SLC47A1: variants seen among roughly 807,000 people sequenced by gnomAD.
The protein encoded by SLC47A1 is solute carrier family 47 member 1.
Under a neutral mutation model 65.8 loss-of-function variants are expected in SLC47A1, and 58 were observed. The observed-to-expected ratio is 0.88, with a 90% CI of 0.71 to 1.10. SLC47A1 has a LOEUF of 1.10. SLC47A1 is among the 50% of genes least tolerant of loss of function. The pLI is 0.00. For synonymous variants in SLC47A1, 285 were observed against 295.0 expected, an observed-to-expected ratio of 0.97 and a Z score of 0.35; for missense variants, 706 against 719.2, an observed-to-expected ratio of 0.98 and a Z score of 0.21.
In SLC47A1 at chr17:19,577,613, C is replaced by G. The variant is rs1363628540; in HGVS notation, c.*60C>G. Reference sequence around the variant, plus strand: ...TTTGAGCTTACACACAATTCACAGGCCCACCAGTGACAATTTACTGTGAGT... The same window carrying G: ...TTTGAGCTTACACACAATTCACAGGGCCACCAGTGACAATTTACTGTGAGT... On this transcript the variant is annotated 3_prime_UTR_variant, in exon 17 of 17. Transcript: ENST00000270570. The G allele has an allele frequency of 1.2e-6, 2 of 1,600,180 alleles. No individual in the cohort carries two copies. Among genetic ancestry groups the G allele is most frequent in the Non-Finnish European group, 1.7e-6 (2 of 1,172,474 alleles).
At chr17:19,542,559 A>G in intron 2 of SLC47A1, 65 bp downstream of exon 2, 8 of 1,287,626 alleles carry the variant, frequency 6.2e-6, no homozygotes, top group Non-Finnish European at 8.7e-6. Flanking sequence ...TGCTACTATA[A>G]CAAATCATCA....
chr17:19,563,128 CTTTTTTTTTT>C (rs572651224), intron 12 of SLC47A1, among the ~76,000 whole-genome samples: 1 of 82,644 alleles, frequency 1.2e-5, no homozygotes, highest in Non-Finnish European at 2.2e-5. Context: ...TAAGAGAAAG[CTTTTTTTTTT>C]TTTTTTTTTT....
chr17:19,571,442 A>G (rs779329850), intron 14 of SLC47A1, 36 bp from the exon 15 acceptor site: 10 of 1,578,724 alleles, frequency 6.3e-6, no homozygotes, highest in Non-Finnish European at 8.7e-6. Context: ...CTGGTTTTCT[A>G]TGGAATTAAC....
intron 12 of SLC47A1, among the ~76,000 whole-genome samples, chr17:19,566,157 T>C (rs1316115486): frequency 6.6e-6 from 1 of 152,174 alleles, no homozygotes; most frequent in Non-Finnish European, 1.5e-5. Context: ...TCTCTTACTG[T>C]GCCCAAATTA....
chr17:19,541,363 G>A (rs192742827), intron 1 of SLC47A1, among the ~76,000 whole-genome samples: 9 of 152,312 alleles, frequency 5.9e-5, no homozygotes, highest in Admixed American at 3.9e-4. Flanking sequence ...CCAGGGGAGA[G>A]GGGCTTCCCC....
chr17:19,552,025 C>T (rs1916464833), intron 6 of SLC47A1, among the ~76,000 whole-genome samples: 1 of 152,218 alleles, frequency 6.6e-6, no homozygotes, highest in Non-Finnish European at 1.5e-5. Context: ...ATGAAATCAG[C>T]ATATGTGGGA....
intron 2 of SLC47A1, among the ~76,000 whole-genome samples, chr17:19,545,286 C>G (rs1916256303): frequency 6.6e-6 from 1 of 150,958 alleles, no homozygotes; most frequent in Admixed American, 6.6e-5. Flanking sequence ...CTTCCGCTTC[C>G]CGGGTTCAAG....
intron 6 of SLC47A1, among the ~76,000 whole-genome samples, chr17:19,554,522 C>T (rs1306128762): frequency 2.6e-5 from 4 of 152,164 alleles, no homozygotes; most frequent in African/African-American, 4.8e-5. Context: ...AGAAAGCACT[C>T]GTCATTCCAC....
intron 2 of SLC47A1, among the ~76,000 whole-genome samples, chr17:19,544,407 G>A (rs1916232656): frequency 6.6e-6 from 1 of 152,250 alleles, no homozygotes; most frequent in African/African-American, 2.4e-5. Flanking sequence ...TGTGGCCAAG[G>A]ACTTATCAAA....
chr17:19,538,368 G>A (rs1438949092), intron 1 of SLC47A1, among the ~76,000 whole-genome samples: 5 of 152,244 alleles, frequency 3.3e-5, no homozygotes, highest in Admixed American at 2.0e-4. Flanking sequence ...GGGCTGATGG[G>A]CAGCTGTGGC....
rs749378149 is a variant in SLC47A1 at position 19,577,379 on chromosome 17, C to A, written c.1539C>A (p.Gly513=). The A allele has an allele frequency of 6.2e-7, 1 of 1,614,140 alleles. No individual in the cohort carries two copies. The highest frequency in any genetic ancestry group is 8.5e-7 in the Non-Finnish European group (1 of 1,180,022). The change falls in exon 17 of 17, where the codon GGC becomes GGA. Residue 513 remains glycine, a synonymous_variant. Coordinates refer to ENST00000270570, the MANE Select transcript of SLC47A1 (RefSeq NM_018242.3). ...TAACGAACGATGTTGGAAAGACAGG[C>A]GAGCCTCAGTCAGATCAGCAGATGC... ...GILTNDVGKT[G]EPQSDQQMRQ... is the part of the protein sequence containing the mutation.
intron 4 of SLC47A1, among the ~76,000 whole-genome samples, chr17:19,548,466 C>G (rs1396578893): frequency 6.6e-6 from 1 of 151,658 alleles, no homozygotes; most frequent in East Asian, 1.9e-4. Context: ...TCAAACCCAC[C>G]TGTGCCCCTG....
intron 6 of SLC47A1, among the ~76,000 whole-genome samples, chr17:19,552,318 C>T (rs557379518): frequency 6.6e-6 from 1 of 152,362 alleles, no homozygotes; most frequent in African/African-American, 2.4e-5. Context: ...GCTGGACTTA[C>T]AGGTGTGAGC....
At chr17:19,573,175 T>C (rs2152317704) in intron 16 of SLC47A1, among the ~76,000 whole-genome samples, 1 of 152,334 alleles carries the variant, frequency 6.6e-6, no homozygotes, top group Middle Eastern at 3.4e-3. Context: ...TTTGTTTGTT[T>C]TAATGGGGTC....
intron 1 of SLC47A1, among the ~76,000 whole-genome samples, chr17:19,539,206 C>G (rs1014862132): frequency 6.6e-6 from 1 of 152,114 alleles, no homozygotes; most frequent in African/African-American, 2.4e-5. Context: ...CCACCGTGCC[C>G]GGCCCAGTCT....
At chr17:19,570,291 A>G (rs1380037304) in intron 14 of SLC47A1, among the ~76,000 whole-genome samples, 1 of 152,188 alleles carries the variant, frequency 6.6e-6, no homozygotes, top group Non-Finnish European at 1.5e-5. Context: ...ACCAAGCAAG[A>G]CAAGCAAAGT....
Position 19,571,578 on chromosome 17 carries a change from T to G in SLC47A1, c.1404+6T>G, listed in dbSNP as rs769351957. 3.7e-6 allele frequency: 6 copies of G among 1,609,286 alleles called. No individual in the cohort carries two copies. The Admixed American group carries it at 8.3e-5, about 22-fold the overall frequency. On this transcript the variant is annotated splice_donor_region_variant and intron_variant, in intron 15 of 16. Transcript: ENST00000270570. ...GGAAAAAAGCCTGTCAGCAGGTAAC[T>G]ATGTTCATTCTGTCCCGGTAAAGGT... is the stretch of plus-strand genomic sequence containing the variant.
rs2084457775 is a variant in SLC47A1, at chr17:19,578,533, G to GT, written c.*981dup. The GT allele has an allele frequency of 6.1e-6, 1 of 163,936 alleles. No homozygotes were observed. The highest frequency in any genetic ancestry group is 1.3e-5 in the Non-Finnish European group (1 of 75,680). The allele number at this position is 163,936 out of a possible 1,614,324, so 10.2% of individuals were successfully genotyped here. On this transcript the variant is annotated 3_prime_UTR_variant, in exon 17 of 17. Coordinates refer to ENST00000270570, the MANE Select transcript of SLC47A1 (RefSeq NM_018242.3). ...TTTAATAAAGGTCTTAGCTTAAGCA[G>GT]TAATCCTACTTCATTAAGCCTTCCT...
At chr17:19,549,606 T>A (rs376394372) in intron 4 of SLC47A1, 29 bp from the exon 5 acceptor site, 15 of 1,611,962 alleles carry the variant, frequency 9.3e-6, no homozygotes, top group African/African-American at 4.0e-5. Flanking sequence ...CATCACAGTT[T>A]TTGTTTTCTT....
Sources: allele counts gnomAD v4.1 joint callset (sites outside exome capture counted in the v4.1 genomes callset), GRCh38; gene constraint gnomAD v4.1.1; transcripts MANE v1.5; gene names NCBI Gene and HGNC (gene_info 2026-07-23, HGNC 2026-07-21).